The following MAGI2 variants were observed in gnomAD, a reference collection of about 807,000 sequenced individuals.
MAGI2 encodes membrane associated guanylate kinase, WW and PDZ domain containing 2.
MAGI2 carries 35 observed loss-of-function variants against 133.3 expected under a neutral mutation model. The ratio of observed to expected loss-of-function variants is 0.26; its 90% CI spans 0.20 to 0.35. The LOEUF (loss-of-function observed/expected upper bound fraction) is 0.35. MAGI2 is among the 10% of genes least tolerant of loss of function. The probability of loss-of-function intolerance (pLI) is 1.00; values close to 1 mark genes in which losing one functional copy is unlikely to be tolerated. For synonymous variants in MAGI2, 729 were observed against 710.6 expected (o/e 1.03, Z -0.41); for missense variants, 1,636 against 1,863.4 (o/e 0.88, Z 2.25).
intron 1 of MAGI2, among the ~76,000 whole-genome samples, chr7:79,321,547 C>A (rs1414668708): frequency 6.6e-6 from 1 of 152,186 alleles, no homozygotes; most frequent in East Asian, 1.9e-4. Context: ...GCAGTGCTTC[C>A]ATAACAGAAC....
chr7:78,340,723 A>G (rs1209869510), intron 9 of MAGI2, among the ~76,000 whole-genome samples: 1 of 152,238 alleles, frequency 6.6e-6, no homozygotes, highest in Non-Finnish European at 1.5e-5. Context: ...TTATCTCAAA[A>G]GATGCAGAAA....
At chr7:78,937,236 A>C (rs1432226367) in intron 2 of MAGI2, among the ~76,000 whole-genome samples, 1 of 152,150 alleles carries the variant, frequency 6.6e-6, no homozygotes, top group African/African-American at 2.4e-5. Context: ...TAAAATACAG[A>C]ATGATAGTAA....
intron 2 of MAGI2, among the ~76,000 whole-genome samples, chr7:78,954,592 T>C (rs1193057428): frequency 6.6e-6 from 1 of 150,894 alleles, no homozygotes; most frequent in Non-Finnish European, 1.5e-5. Context: ...TGGAATTGCT[T>C]TGTGATGCCT....
chr7:78,203,446 G>C (rs1349520432), intron 10 of MAGI2, among the ~76,000 whole-genome samples: 2 of 152,172 alleles, frequency 1.3e-5, no homozygotes, highest in Non-Finnish European at 2.9e-5. Context: ...CAAGGAGAGG[G>C]GGCGTTTAAT....
intron 2 of MAGI2, among the ~76,000 whole-genome samples, chr7:78,641,646 C>T (rs1810324249): frequency 6.8e-6 from 1 of 146,096 alleles, no homozygotes; most frequent in African/African-American, 2.6e-5. Context: ...AAAATATGAC[C>T]ATTTCTGTTG....
At chr7:79,086,891 G>A (rs1464054708) in intron 1 of MAGI2, among the ~76,000 whole-genome samples, 3 of 151,690 alleles carry the variant, frequency 2.0e-5, no homozygotes, top group African/African-American at 7.3e-5. Flanking sequence ...TCTAAGAGGT[G>A]CAGACATTTT....
chr7:78,412,868 TG>T (rs2151381317), intron 6 of MAGI2, among the ~76,000 whole-genome samples: 1 of 152,222 alleles, frequency 6.6e-6, no homozygotes, highest in Non-Finnish European at 1.5e-5. Flanking sequence ...TTTCTCTTGA[TG>T]ATTTATAAAT....
intron 21 of MAGI2, among the ~76,000 whole-genome samples, chr7:78,071,964 T>G (rs1814757684): frequency 6.6e-6 from 1 of 152,196 alleles, no homozygotes; most frequent in Non-Finnish European, 1.5e-5. Context: ...GAGGAACAGG[T>G]TAGGGCAGTG....
chr7:79,348,539 C>A (rs1841475535), intron 1 of MAGI2, among the ~76,000 whole-genome samples: 1 of 151,872 alleles, frequency 6.6e-6, no homozygotes, highest in Non-Finnish European at 1.5e-5. Context: ...ATTTCAGTGT[C>A]CCCAGTAACT....
chr7:78,444,683 T>G lies in MAGI2; in HGVS notation c.1045+45078A>C, dbSNP rs796150103. Among the ~76,000 whole-genome samples the G allele has an allele frequency of 5.7e-4, 86 of 152,006 alleles. 1 individual carries two copies. Among genetic ancestry groups the G allele is most frequent in the African/African-American group, 2.0e-3 (82 of 41,502 alleles). Reference sequence around the variant, plus strand: ...CTGATGTCATTTATTTTATATTAAGTGCTTATCTCTTGAAATTTTAACTTT... The same window carrying G: ...CTGATGTCATTTATTTTATATTAAGGGCTTATCTCTTGAAATTTTAACTTT... On this transcript the variant is annotated intron_variant, in intron 6 of 21. Coordinates refer to ENST00000354212, the MANE Select transcript of MAGI2 (RefSeq NM_012301.4).
intron 2 of MAGI2, among the ~76,000 whole-genome samples, chr7:78,754,446 CCAAGTAAAA>C (rs1417462272): frequency 1.3e-5 from 2 of 151,554 alleles, no homozygotes; most frequent in Non-Finnish European, 2.9e-5. Context: ...ATTAATAAGC[CCAAGTAAAA>C]CAAATTACGC....
At chr7:79,235,186 G>C (rs1831788070) in intron 1 of MAGI2, among the ~76,000 whole-genome samples, 1 of 152,144 alleles carries the variant, frequency 6.6e-6, no homozygotes, top group Admixed American at 6.5e-5. Flanking sequence ...GAGAACCACT[G>C]CTCTCTTCAA....
chr7:78,399,058 A>T lies in MAGI2; in HGVS notation c.1046-29845T>A, dbSNP rs144140744. Among the ~76,000 whole-genome samples the T allele has an allele frequency of 9.2e-5, 14 of 152,348 alleles. No homozygotes were observed. The East Asian group carries it at 2.7e-3, about 29-fold the overall frequency. The stretch of plus-strand genomic sequence containing the variant: ...CTTTTCTTTCAAATATGAGATTTAG[A>T]ATTAATGTGTCTAAAAATGGATATT... On this transcript the variant is annotated intron_variant, in intron 6 of 21. Transcript: ENST00000354212.
At chr7:78,195,992 T>C (rs1160596613) in intron 11 of MAGI2, among the ~76,000 whole-genome samples, 2 of 152,164 alleles carry the variant, frequency 1.3e-5, no homozygotes, top group African/African-American at 4.8e-5. Context: ...GTATGCATGG[T>C]CCTCAGGACA....
intron 6 of MAGI2, among the ~76,000 whole-genome samples, chr7:78,373,453 G>C (rs1037958692): frequency 6.6e-6 from 1 of 152,154 alleles, no homozygotes; most frequent in African/African-American, 2.4e-5. Flanking sequence ...AGCTAAGTGG[G>C]AGTTATGGGG....
intron 2 of MAGI2, among the ~76,000 whole-genome samples, chr7:78,989,934 C>T (rs765593421): frequency 6.6e-6 from 1 of 152,010 alleles, no homozygotes; most frequent in Non-Finnish European, 1.5e-5. Context: ...AAAATGTTCG[C>T]TCAACTCTTA....
intron 2 of MAGI2, among the ~76,000 whole-genome samples, chr7:78,964,930 G>A (rs912388175): frequency 6.6e-5 from 10 of 151,790 alleles, no homozygotes; most frequent in African/African-American, 2.2e-4. Context: ...TGGAGTAAAG[G>A]CTTATTTCTT....
chr7:78,127,579 T>A (rs1821122341), intron 18 of MAGI2, among the ~76,000 whole-genome samples, 163 bp from the exon 19 acceptor site: 1 of 152,122 alleles, frequency 6.6e-6, no homozygotes, highest in South Asian at 2.1e-4. Flanking sequence ...TAAATATTAT[T>A]TAAAAATCTC....
At chr7:79,177,562 A>G (rs1331011302) in intron 1 of MAGI2, among the ~76,000 whole-genome samples, 3 of 151,998 alleles carry the variant, frequency 2.0e-5, no homozygotes, top group Non-Finnish European at 4.4e-5. Flanking sequence ...CACTATTTCA[A>G]TTGTTGCAAT....
Sources: allele counts gnomAD v4.1 joint callset (sites outside exome capture counted in the v4.1 genomes callset), GRCh38; gene constraint gnomAD v4.1.1; transcripts MANE v1.5; gene names NCBI Gene and HGNC (gene_info 2026-07-23, HGNC 2026-07-21).